The following KCNH7 variants were observed in gnomAD, a reference collection of about 807,000 sequenced individuals.
KCNH7 encodes the protein voltage-gated inwardly rectifying potassium channel KCNH7.
A neutral mutation model predicts 120.8 loss-of-function variants in KCNH7; 49 were observed. The ratio of observed to expected loss-of-function variants is 0.41; its 90% CI spans 0.32 to 0.51. KCNH7 has a LOEUF of 0.51. Ranked by LOEUF, KCNH7 falls within the 20% of genes least tolerant of loss-of-function variation. KCNH7 has a pLI of 0.38. For synonymous variants in KCNH7, 547 were observed against 516.1 expected (o/e 1.06, Z -0.81); for missense variants, 1,097 against 1,446.6 (o/e 0.76, Z 3.92).
intron 2 of KCNH7, among the ~76,000 whole-genome samples, chr2:162,613,481 A>G (rs1683037440): frequency 6.6e-6 from 1 of 152,056 alleles, no homozygotes; most frequent in South Asian, 2.1e-4. Context: ...TAAGAATAAA[A>G]TTATCCCCGA....
chr2:162,565,564 T>C (rs527908144), intron 2 of KCNH7, among the ~76,000 whole-genome samples: 2 of 152,040 alleles, frequency 1.3e-5, no homozygotes, highest in South Asian at 4.1e-4. Context: ...ATGAAAGATC[T>C]CAAAATGTCC....
At chr2:162,397,772 C>T (rs184609972) in intron 10 of KCNH7, among the ~76,000 whole-genome samples, 1 of 151,876 alleles carries the variant, frequency 6.6e-6, no homozygotes, top group Non-Finnish European at 1.5e-5. Context: ...CAATTTGTTC[C>T]TAAAATAACT....
chr2:162,596,970 C>T (rs1223632956), intron 2 of KCNH7, among the ~76,000 whole-genome samples: 1 of 152,036 alleles, frequency 6.6e-6, no homozygotes, highest in East Asian at 1.9e-4. Flanking sequence ...ACACTACTAT[C>T]AGGGAAATAC....
intron 2 of KCNH7, among the ~76,000 whole-genome samples, chr2:162,759,640 G>A (rs1688901751): frequency 6.6e-6 from 1 of 151,754 alleles, no homozygotes; most frequent in Admixed American, 6.6e-5. Context: ...AGGACCAAAT[G>A]AAGGAGAAAG....
intron 2 of KCNH7, among the ~76,000 whole-genome samples, chr2:162,571,000 C>T (rs1412413851): frequency 1.6e-4 from 25 of 152,012 alleles, no homozygotes; most frequent in Admixed American, 1.6e-3. Flanking sequence ...CAGGGATGCC[C>T]TCTCTCATCA....
chr2:162,532,643 G>A (rs560678958), intron 3 of KCNH7, among the ~76,000 whole-genome samples: 4 of 152,004 alleles, frequency 2.6e-5, no homozygotes, highest in South Asian at 2.1e-4. Flanking sequence ...ACCCACACAC[G>A]TTTCCCAAAG....
At chr2:162,821,459 T>C (rs1004064898) in intron 2 of KCNH7, among the ~76,000 whole-genome samples, 8 of 152,248 alleles carry the variant, frequency 5.3e-5, no homozygotes, top group Non-Finnish European at 8.8e-5. Context: ...GTAAACATTT[T>C]AGGCATCACA....
At chr2:162,507,211 A>C (rs145617953) in intron 5 of KCNH7, among the ~76,000 whole-genome samples, 16 of 151,878 alleles carry the variant, frequency 1.1e-4, no homozygotes, top group Non-Finnish European at 1.8e-4. Context: ...TTCAGAGTTT[A>C]GTTTACAATC....
chr2:162,817,989 A>T (rs1684975400), intron 2 of KCNH7, among the ~76,000 whole-genome samples: 1 of 152,064 alleles, frequency 6.6e-6, no homozygotes, highest in East Asian at 1.9e-4. Flanking sequence ...TGTCAAATAA[A>T]TGTATTAAAT....
chr2:162,373,207 A>C (rs896953252), intron 15 of KCNH7, among the ~76,000 whole-genome samples: 1 of 152,066 alleles, frequency 6.6e-6, no homozygotes, highest in African/African-American at 2.4e-5. Flanking sequence ...TCTGGAAGAA[A>C]GGTTTTCCTT....
At position 162,517,049 on chromosome 2, in the gene KCNH7, C is replaced by T. The variant is rs147828603; in HGVS notation, c.892+681G>A. On this transcript the variant is annotated intron_variant, in intron 4 of 15. Transcript: ENST00000332142. ...AGTACTTAACCGATGTTATCAATTA[C>T]CATGTTCATGATAAATAGTTTCTGC... 3.1e-4 allele frequency among the ~76,000 whole-genome samples: 47 copies of T among 151,798 alleles called. 1 individual carries two copies. The highest frequency in any genetic ancestry group is 1.1e-3 in the African/African-American group (45 of 41,486).
At chr2:162,471,174 C>T (rs1254589676) in intron 6 of KCNH7, among the ~76,000 whole-genome samples, 3 of 151,722 alleles carry the variant, frequency 2.0e-5, no homozygotes, top group Non-Finnish European at 4.4e-5. Context: ...ATCTGCTGAC[C>T]TTCCCTTCAC....
intron 2 of KCNH7, among the ~76,000 whole-genome samples, chr2:162,821,025 C>G (rs973623465): frequency 6.6e-6 from 1 of 152,136 alleles, no homozygotes; most frequent in African/African-American, 2.4e-5. Flanking sequence ...TTTTAGACAA[C>G]AAAGGTTACA....
At chr2:162,568,913 T>C (rs1389564608) in intron 2 of KCNH7, among the ~76,000 whole-genome samples, 1 of 152,088 alleles carries the variant, frequency 6.6e-6, no homozygotes, top group Non-Finnish European at 1.5e-5. Context: ...TGCTGCTGGA[T>C]TCGGTTTGCC....
intron 2 of KCNH7, among the ~76,000 whole-genome samples, chr2:162,543,227 A>G (rs747997090): frequency 2.0e-5 from 3 of 152,082 alleles, no homozygotes; most frequent in South Asian, 2.1e-4. Flanking sequence ...TGTATCTGAT[A>G]ATACATTAGG....
chr2:162,387,099 G>A (rs1166274329), intron 12 of KCNH7, among the ~76,000 whole-genome samples: 1 of 150,410 alleles, frequency 6.6e-6, no homozygotes, highest in Non-Finnish European at 1.5e-5. Context: ...TGATATCCTT[G>A]AATTTTCCCC....
chr2:162,629,052 C>T (rs1683664437), intron 2 of KCNH7, among the ~76,000 whole-genome samples: 1 of 152,126 alleles, frequency 6.6e-6, no homozygotes, highest in Admixed American at 6.6e-5. Flanking sequence ...ACCATCACCA[C>T]ATACACACAA....
intron 2 of KCNH7, among the ~76,000 whole-genome samples, chr2:162,748,163 C>T (rs1455984457): frequency 6.6e-6 from 1 of 152,178 alleles, no homozygotes; most frequent in Non-Finnish European, 1.5e-5. Flanking sequence ...CTTGGGACCT[C>T]ATTATTTCAT....
chr2:162,631,747 T>C (rs1267113781), intron 2 of KCNH7, among the ~76,000 whole-genome samples: 3 of 152,088 alleles, frequency 2.0e-5, no homozygotes, highest in South Asian at 2.1e-4. Context: ...AAGAAATTGA[T>C]AGCTTATTGA....
Sources: allele counts gnomAD v4.1 joint callset (sites outside exome capture counted in the v4.1 genomes callset), GRCh38; gene constraint gnomAD v4.1.1; transcripts MANE v1.5; gene names NCBI Gene and HGNC (gene_info 2026-07-23, HGNC 2026-07-21).